ATP11B: variants seen among roughly 807,000 people sequenced by gnomAD.
ATP11B encodes the protein phospholipid-transporting ATPase IF.
ATP11B carries 81 observed loss-of-function variants against 157.8 expected under a neutral mutation model. The ratio of observed to expected loss-of-function variants is 0.51; its 90% CI spans 0.43 to 0.62. ATP11B has a LOEUF of 0.62. Among genes scored for constraint, ATP11B ranks in the 20% least tolerant of loss-of-function variants. ATP11B has a pLI of 0.00. For synonymous variants in ATP11B, 451 were observed against 469.4 expected (o/e 0.96, Z 0.51); for missense variants, 1,165 against 1,402.2 (o/e 0.83, Z 2.70).
At chr3:182,885,552 G>A (rs1314956258) in intron 22 of ATP11B, among the ~76,000 whole-genome samples, 1 of 152,066 alleles carries the variant, frequency 6.6e-6, no homozygotes, top group South Asian at 2.1e-4. Context: ...GAGATGGAAA[G>A]AAGTTTCGAT....
chr3:182,808,679 C>T (rs1323436147), intron 1 of ATP11B, among the ~76,000 whole-genome samples: 1 of 151,774 alleles, frequency 6.6e-6, no homozygotes, highest in Non-Finnish European at 1.5e-5. Flanking sequence ...TGTGTGTTTG[C>T]ATAAATTTAT....
At chr3:182,889,941 GTAT>G (rs1448624479) in intron 25 of ATP11B, among the ~76,000 whole-genome samples, 2 of 152,126 alleles carry the variant, frequency 1.3e-5, no homozygotes, top group South Asian at 2.1e-4. Flanking sequence ...TATTAGAGAG[GTAT>G]TATTACTCCC....
chr3:182,894,139 T>C (rs1723362506), intron 25 of ATP11B, among the ~76,000 whole-genome samples: 1 of 152,200 alleles, frequency 6.6e-6, no homozygotes, highest in South Asian at 2.1e-4. Context: ...GTCTGTTTAC[T>C]CTACTGATTA....
At position 182,828,064 on chromosome 3, in the gene ATP11B, G is replaced by A. The variant is rs981885710; in HGVS notation, c.145-56G>A. 9 of 774,242 alleles carry A rather than the reference G, an allele frequency of 1.2e-5. No homozygotes were observed. The Admixed American group carries it at 1.6e-4, about 14-fold the overall frequency. 48.0% of individuals were successfully genotyped at this position (774,242 alleles called of 1,614,324 possible). A position where few individuals can be genotyped will look rare whatever the true frequency, so the allele number is the denominator to read the frequency against. On this transcript the variant is annotated intron_variant, in intron 2 of 29. Coordinates refer to ENST00000323116, the MANE Select transcript of ATP11B (RefSeq NM_014616.3). ...ATTTTACTTTACTTCTTAATATTATGTCTATATACTTGATATTATTTTTAA... is the reference window on the plus strand; with the variant it reads ...ATTTTACTTTACTTCTTAATATTATATCTATATACTTGATATTATTTTTAA...
intron 4 of ATP11B, among the ~76,000 whole-genome samples, chr3:182,834,808 C>T (rs1718420351): frequency 6.6e-6 from 1 of 152,196 alleles, no homozygotes; most frequent in African/African-American, 2.4e-5. Flanking sequence ...TTAGGGGAAC[C>T]CCTTATGCAA....
chr3:182,818,924 AAAAAAAAG>A (rs1193161041), intron 1 of ATP11B, among the ~76,000 whole-genome samples: 35 of 151,202 alleles, frequency 2.3e-4, no homozygotes, highest in African/African-American at 4.6e-4. Flanking sequence ...TGTAAAAAAA[AAAAAAAAG>A]AAAAAAAGAA....
At chr3:182,916,456 A>G in intron 29 of ATP11B, 2 of 985,368 alleles carry the variant, frequency 2.0e-6, no homozygotes, top group Non-Finnish European at 2.4e-6. Context: ...ACATTTTATT[A>G]ATTGATGTTG....
At chr3:182,915,977 T>C in intron 29 of ATP11B, 3 of 984,608 alleles carry the variant, frequency 3.0e-6, no homozygotes, top group Non-Finnish European at 3.6e-6. Flanking sequence ...TGGTTACTAT[T>C]ATTTTCTTAC....
At chr3:182,911,030 A>T (rs1724744198) in intron 28 of ATP11B, among the ~76,000 whole-genome samples, 3 of 152,290 alleles carry the variant, frequency 2.0e-5, no homozygotes, top group African/African-American at 7.2e-5. Context: ...CTAAGCTCTT[A>T]TTCTCACAGA....
chr3:182,880,683 A>G (rs562092827), intron 20 of ATP11B, among the ~76,000 whole-genome samples, 196 bp from the exon 21 acceptor site: 63 of 152,302 alleles, frequency 4.1e-4, no homozygotes, highest in Non-Finnish European at 7.6e-4. Flanking sequence ...CTGTTTTATT[A>G]TAACATTTCT....
chr3:182,842,096 A>T lies in ATP11B; in HGVS notation c.678A>T (p.Ile226=), dbSNP rs750195934. 5 of 1,605,386 alleles carry T rather than the reference A, an allele frequency of 3.1e-6. No individual in the cohort carries two copies. Among genetic ancestry groups the T allele is most frequent in the Non-Finnish European group, 4.3e-6 (5 of 1,172,956 alleles). ...DLYRFMGRMI[I]TQQMEEIVRP... The stretch of plus-strand genomic sequence containing the variant: ...ATAGATTCATGGGACGAATGATCAT[A>T]ACCCAACAAATGGAAGAAATTGTAA... Residue 226 remains isoleucine, a synonymous_variant, in exon 8 of 30, where the codon ATA becomes ATT. Coordinates refer to ENST00000323116, the MANE Select transcript of ATP11B (RefSeq NM_014616.3).
chr3:182,905,912 T>C (rs1323540501), intron 28 of ATP11B: 2 of 456,494 alleles, frequency 4.4e-6, no homozygotes, highest in South Asian at 3.1e-5. Context: ...AGTTGTTGCG[T>C]GCACTAGGTA....
Sources: gnomAD v4.1 joint callset for allele counts (sites outside exome capture counted in the v4.1 genomes callset) on GRCh38, gnomAD v4.1.1 for gene constraint, MANE v1.5 for transcripts, NCBI Gene and HGNC (gene_info 2026-07-23, HGNC 2026-07-21) for gene names.